INTS13: variants seen among roughly 807,000 people sequenced by gnomAD.
The protein encoded by INTS13 is asunder, spermatogenesis regulator homolog (Drosphila).
In INTS13, 35 loss-of-function variants were observed where a neutral mutation model predicts 90.2. The observed-to-expected ratio is 0.39, with a 90% confidence interval of 0.30 to 0.51. The LOEUF (loss-of-function observed/expected upper bound fraction) is 0.51, where lower values mean the gene tolerates loss of function less well. Ranked by LOEUF, INTS13 falls within the 20% of genes least tolerant of loss-of-function variation. The pLI is 0.80. For synonymous variants in INTS13, 309 were observed against 277.1 expected, an observed-to-expected ratio of 1.11 and a Z score of -1.14; for missense variants, 601 against 851.2, an observed-to-expected ratio of 0.71 and a Z score of 3.66.
chr12:26,913,827 C>A, intron 13 of INTS13, 140 bp from the exon 14 acceptor site: 1 of 1,102,170 alleles, frequency 9.1e-7, no homozygotes, highest in Non-Finnish European at 1.3e-6. Context: ...TACAATATAT[C>A]CATTTCTATG....
At chr12:26,917,839 A>AAAAAAAACC in intron 8 of INTS13, 106 bp from the exon 9 acceptor site, 1 of 497,868 alleles carries the variant, frequency 2.0e-6, no homozygotes, top group Non-Finnish European at 3.7e-6. Flanking sequence ...AAATAATAAA[A>AAAAAAAACC]GCGGCCGGGT....
At chr12:26,924,555 G>A in intron 6 of INTS13, 72 bp from the exon 7 acceptor site, 1 of 1,412,036 alleles carries the variant, frequency 7.1e-7, no homozygotes, top group South Asian at 1.4e-5. Context: ...AAATATTTTA[G>A]TATAAATCCA....
chr12:26,910,419 T>C (rs1951736800), intron 15 of INTS13, among the ~76,000 whole-genome samples: 1 of 152,228 alleles, frequency 6.6e-6, no homozygotes. Context: ...TTACTGCCTG[T>C]ATTCTCTAAG....
Position 26,914,030 on chromosome 12 carries a change from T to C in INTS13, c.1518A>G (p.Arg506=), listed in dbSNP as rs568251289. The change falls in exon 13 of 17, where the codon AGA becomes AGG. Residue 506 remains arginine, a synonymous_variant. Coordinates refer to ENST00000261191, the MANE Select transcript of INTS13 (RefSeq NM_018164.3). The part of the protein sequence containing the change: ...KTIYNLVDME[R]KNDPLPISTV... ...TGGAAATAGGTAGAGGATCATTTTT[T>C]CTTTCCATATCAACTAAGTTGTATA... The C allele has an allele frequency of 1.2e-6, 2 of 1,611,482 alleles. No individual in the cohort carries two copies. The highest frequency in any genetic ancestry group is 2.7e-5 in the African/African-American group (2 of 74,968).
At position 26,905,529 on chromosome 12, in the gene INTS13, T is replaced by C. The variant is rs371104785; in HGVS notation, c.2089A>G (p.Thr697Ala). The C allele has an allele frequency of 1.2e-6, 2 of 1,611,958 alleles. No homozygotes were observed. The highest frequency in any genetic ancestry group is 1.7e-6 in the Non-Finnish European group (2 of 1,179,292). ...CGGCTGGCTTTTCCATTTTCTGTTG[T>C]CTCCATCCTGAAATAGGAAGAAAAA... is the stretch of plus-strand genomic sequence containing the variant. Reference protein sequence around the residue: ...QHLKEENGMETTENGKASRQ With the variant: ...QHLKEENGMEATENGKASRQ Residue 697 changes from threonine to alanine, a missense_variant, in exon 17 of 17, where the codon ACA becomes GCA. Physicochemically the swap from Thr to Ala is moderately conservative, Grantham distance 58. Around this residue, in one of 3 missense-constraint regions of INTS13, gnomAD observed 228 missense variants for 272.5 expected, o/e 0.84. Coordinates refer to ENST00000261191, the MANE Select transcript of INTS13 (RefSeq NM_018164.3).
chr12:26,919,135 C>A, intron 8 of INTS13: 1 of 173,398 alleles, frequency 5.8e-6, no homozygotes, highest in South Asian at 1.1e-4. Flanking sequence ...CTACTGTACT[C>A]CAGTCTGAGT....
intron 14 of INTS13, among the ~76,000 whole-genome samples, chr12:26,912,804 A>G (rs1274504818): frequency 6.6e-6 from 1 of 151,462 alleles, no homozygotes; most frequent in Admixed American, 6.6e-5. Flanking sequence ...CTCGGCTCAC[A>G]GCAACCTCTG....
chr12:26,913,824 T>C lies in INTS13; in HGVS notation c.1575-137A>G, dbSNP rs1206078109. 29 of 1,094,904 alleles carry C rather than the reference T, an allele frequency of 2.6e-5. No individual in the cohort carries two copies. The Middle Eastern group carries it at 1.1e-3, about 41-fold the overall frequency. The allele number at this position is 1,094,904 out of a possible 1,614,324, so 67.8% of individuals were successfully genotyped here. A position where few individuals can be genotyped will look rare whatever the true frequency, so the allele number is the denominator to read the frequency against. ...AATAGTGAAATTCTAGGCTACAATA[T>C]ATCCATTTCTATGATTTTGTATTAT... On this transcript the variant is annotated intron_variant, in intron 13 of 16. Transcript: ENST00000261191.
At chr12:26,918,078 C>T (rs576649294) in intron 8 of INTS13, among the ~76,000 whole-genome samples, 7 of 152,008 alleles carry the variant, frequency 4.6e-5, no homozygotes, top group African/African-American at 1.2e-4. Flanking sequence ...GCTGCGATCA[C>T]GACACTGCAC....
At position 26,911,872 on chromosome 12, in the gene INTS13, G is replaced by T. The variant is rs117558848; in HGVS notation, c.1806-555C>A. ...ATGATAGTACTTTTTCCCTCTTACA[G>T]TGAGCCAGTAGTGTTTCAGAAGCTC... On this transcript the variant is annotated intron_variant, in intron 14 of 16. Coordinates refer to ENST00000261191, the MANE Select transcript of INTS13 (RefSeq NM_018164.3). 5.2e-3 allele frequency among the ~76,000 whole-genome samples: 791 copies of T among 152,306 alleles called. 4 individuals carry two copies. Among genetic ancestry groups the T allele is most frequent in the South Asian group, 9.7e-3 (47 of 4,830 alleles).
chr12:26,934,998 T>G (rs1012628512), intron 2 of INTS13, among the ~76,000 whole-genome samples: 3 of 152,184 alleles, frequency 2.0e-5, no homozygotes, highest in African/African-American at 7.2e-5. Flanking sequence ...AGAAGGACTC[T>G]CCATAGAAGT....
intron 5 of INTS13, among the ~76,000 whole-genome samples, chr12:26,926,252 G>A (rs143731040): frequency 1.3e-5 from 2 of 152,240 alleles, no homozygotes; most frequent in East Asian, 3.9e-4. Context: ...CAAGTTATAG[G>A]ATTGGTAATG....
chr12:26,917,631 C>A lies in INTS13; in HGVS notation c.979+13G>T, dbSNP rs1320821965. 2 of 1,597,396 alleles carry A rather than the reference C, an allele frequency of 1.3e-6. No homozygotes were observed. The highest frequency in any genetic ancestry group is 2.2e-5 in the East Asian group (1 of 44,770). On this transcript the variant is annotated intron_variant, in intron 9 of 16. Transcript: ENST00000261191. The stretch of plus-strand genomic sequence containing the variant: ...TTTGATTTCGTCTTTTTCAGTTATT[C>A]TTAAATACCTACCAATGTTATTTGT...
intron 8 of INTS13, among the ~76,000 whole-genome samples, chr12:26,922,016 G>A (rs1329724010): frequency 9.2e-5 from 14 of 152,204 alleles, no homozygotes; most frequent in Non-Finnish European, 1.3e-4. Flanking sequence ...GTTTTACACT[G>A]CATGCTGTTC....
rs948296058 is a variant in INTS13 at position 26,917,760 on chromosome 12, A to G, written c.890-27T>C. The stretch of plus-strand genomic sequence containing the variant: ...TTTAAAAATATGTCAGAGACATTAC[A>G]CATTGTATACATGTATCAAAACATC... On this transcript the variant is annotated intron_variant, in intron 8 of 16. Coordinates refer to ENST00000261191, the MANE Select transcript of INTS13 (RefSeq NM_018164.3). 3 of 1,459,176 alleles carry G rather than the reference A, an allele frequency of 2.1e-6. No individual in the cohort carries two copies. In the African/African-American group the frequency reaches 4.2e-5, roughly 20 times the overall value. The allele number at this position is 1,459,176 out of a possible 1,614,324, so 90.4% of individuals were successfully genotyped here. A position where few individuals can be genotyped will look rare whatever the true frequency, so the allele number is the denominator to read the frequency against.
In INTS13 at chr12:26,913,544, C is replaced by T. The variant is rs762170385; in HGVS notation, c.1718G>A (p.Arg573Gln). Reference sequence around the variant, plus strand: ...CTCTTTGTCTTCCCTCTTTCTTCCTCGTTTCTTTCGTTCTTCCTCTTCTGG... The same window carrying T: ...CTCTTTGTCTTCCCTCTTTCTTCCTTGTTTCTTTCGTTCTTCCTCTTCTGG... ...KPPEEEERKKRGRKREDKEDK... is the reference protein window; with the variant it reads ...KPPEEEERKKQGRKREDKEDK... The change falls in exon 14 of 17, where the codon CGA (arginine) becomes CAA (glutamine). Residue 573 changes from arginine to glutamine, a missense_variant. By Grantham distance (43) the Arg-to-Gln change is conservative (BLOSUM62 1). Coordinates refer to ENST00000261191, the MANE Select transcript of INTS13 (RefSeq NM_018164.3). 3 of 1,614,080 alleles carry T rather than the reference C, an allele frequency of 1.9e-6. No homozygotes were observed. The highest frequency in any genetic ancestry group is 2.2e-5 in the East Asian group (1 of 44,866).
chr12:26,918,717 G>A (rs890393012), intron 8 of INTS13, among the ~76,000 whole-genome samples: 3 of 152,148 alleles, frequency 2.0e-5, no homozygotes, highest in Non-Finnish European at 4.4e-5. Context: ...TAATAATAAT[G>A]AACAAATGTG....
At position 26,917,707 on chromosome 12, in the gene INTS13, G is replaced by A. The variant is rs764591813; in HGVS notation, c.916C>T (p.Arg306Ter). Reference sequence around the variant, plus strand: ...ATTGTTTCTTTAAACGAGCCTTCTCGACTGCCGCCACCTAGATGCGAATCA... The same window carrying A: ...ATTGTTTCTTTAAACGAGCCTTCTCAACTGCCGCCACCTAGATGCGAATCA... The part of the protein sequence containing the change: ...SGDSHLGGGS[R>*]EGSFKETITL... Residue 306 changes from arginine to a stop codon, truncating the protein, a stop_gained, in exon 9 of 17, where the codon CGA (arginine) becomes TGA (stop). Transcript: ENST00000261191. LOFTEE classifies it high-confidence loss of function. The A allele has an allele frequency of 4.3e-6, 7 of 1,613,550 alleles. No individual in the cohort carries two copies. The highest frequency in any genetic ancestry group is 2.5e-6 in the Non-Finnish European group (3 of 1,179,892).
At chr12:26,905,987 T>C (rs1439951427) in intron 16 of INTS13, among the ~76,000 whole-genome samples, 5 of 152,172 alleles carry the variant, frequency 3.3e-5, no homozygotes, top group African/African-American at 1.2e-4. Context: ...TATTCCTTAA[T>C]AGGAAAACAT....
Sources: gnomAD v4.1 joint callset for allele counts (sites outside exome capture counted in the v4.1 genomes callset) on GRCh38, gnomAD v4.1.1 for gene constraint, gnomAD v4.1.1 regional missense constraint, MANE v1.5 for transcripts, NCBI Gene and HGNC (gene_info 2026-07-23, HGNC 2026-07-21) for gene names.